The following C2CD3 variants were observed in gnomAD, a reference collection of about 807,000 sequenced individuals.
C2CD3 encodes C2 domain containing 3 centriole elongation regulator, also known as C2 domain-containing protein 3.
A neutral mutation model predicts 234.0 loss-of-function variants in C2CD3; 148 were observed. The observed-to-expected ratio is 0.63, with a 90% CI of 0.55 to 0.72. C2CD3 has a LOEUF of 0.72. Ranked by LOEUF, C2CD3 falls within the 30% of genes least tolerant of loss-of-function variation. The probability of loss-of-function intolerance (pLI) is 0.00; values close to 1 mark genes in which losing one functional copy is unlikely to be tolerated. For synonymous variants in C2CD3, 1,000 were observed against 1,035.4 expected (o/e 0.97, Z 0.66); for missense variants, 2,577 against 2,811.5 (o/e 0.92, Z 1.89).
chr11:74,050,124 A>T (rs896374161), intron 26 of C2CD3, among the ~76,000 whole-genome samples: 1 of 152,122 alleles, frequency 6.6e-6, no homozygotes, highest in Admixed American at 6.5e-5. Flanking sequence ...TAAATTTAAG[A>T]ACTTATTTTT....
In C2CD3 at chr11:74,150,527, C is replaced by CA. The variant is rs1265839513; in HGVS notation, c.484-10700dup. ...AAAAAAAAAAAAAACAAAAAAAAAA[C>CA]AAAACAAATTTCTAAGCTTTTTAAA... On this transcript the variant is annotated intron_variant, in intron 3 of 32. Transcript: ENST00000334126. Among the ~76,000 whole-genome samples the CA allele has an allele frequency of 2.1e-3, 115 of 54,882 alleles. 1 individual carries two copies. The highest frequency in any genetic ancestry group is 8.1e-3 in the African/African-American group (102 of 12,616). 36.0% of individuals were successfully genotyped at this position (54,882 alleles called of 152,430 possible).
chr11:74,133,006 G>T, intron 6 of C2CD3, 34 bp from the exon 7 acceptor site: 4 of 1,604,510 alleles, frequency 2.5e-6, no homozygotes, highest in Non-Finnish European at 3.4e-6. Flanking sequence ...TCACTGAGTG[G>T]CTAACAGATG....
chr11:74,097,349 A>G (rs532283680), intron 16 of C2CD3, among the ~76,000 whole-genome samples: 12 of 152,304 alleles, frequency 7.9e-5, no homozygotes, highest in African/African-American at 2.9e-4. Flanking sequence ...ACTAGTAAAG[A>G]CAACAAATAG....
intron 4 of C2CD3, 118 bp downstream of exon 4, chr11:74,139,487 A>T: frequency 1.2e-6 from 1 of 803,606 alleles, no homozygotes; most frequent in Non-Finnish European, 2.2e-6. Flanking sequence ...TTATCTGCTA[A>T]ATGAGGACTG....
intron 23 of C2CD3, among the ~76,000 whole-genome samples, chr11:74,075,373 G>A (rs1419979195): frequency 1.3e-5 from 2 of 151,882 alleles, no homozygotes; most frequent in African/African-American, 2.4e-5. Flanking sequence ...TTTTGGGGGG[G>A]GGTGGGGGGA....
rs1305669105 is a variant in C2CD3, at chr11:74,092,525, G to A, written c.3408C>T (p.Ile1136=). Reference sequence around the variant, plus strand: ...GATGCTGGGTGGTTACCATAGCACAGATCCTTGATAATGGCAAGGTTCCTT... The same window carrying A: ...GATGCTGGGTGGTTACCATAGCACAAATCCTTGATAATGGCAAGGTTCCTT... ...VAKGTLPLSR[I]CAMVTTQHRE... Residue 1136 remains isoleucine (I), a synonymous_variant, in exon 19 of 33, where the codon ATC becomes ATT. Coordinates refer to ENST00000334126, the MANE Select transcript of C2CD3 (RefSeq NM_001286577.2). 8 of 1,613,944 alleles carry A rather than the reference G, an allele frequency of 5.0e-6. No individual in the cohort carries two copies. Among genetic ancestry groups the A allele is most frequent in the Non-Finnish European group, 6.8e-6 (8 of 1,179,844 alleles).
intron 24 of C2CD3, among the ~76,000 whole-genome samples, chr11:74,071,501 C>A (rs543409400): frequency 1.3e-5 from 2 of 152,128 alleles, no homozygotes; most frequent in African/African-American, 4.8e-5. Flanking sequence ...TTCTGCAGAG[C>A]GCATTAACTA....
At position 74,139,988 on chromosome 11, in the gene C2CD3, TAG is replaced by T. The variant is rs368142360; in HGVS notation, c.484-162_484-161del. Among the ~76,000 whole-genome samples the T allele has an allele frequency of 2.1e-3, 253 of 122,424 alleles. 2 individuals carry two copies. Among genetic ancestry groups the T allele is most frequent in the Middle Eastern group, 8.2e-3 (2 of 244 alleles). 80.3% of individuals were successfully genotyped at this position (122,424 alleles called of 152,430 possible). A position where few individuals can be genotyped will look rare whatever the true frequency, so the allele number is the denominator to read the frequency against. ...ATTGTAAGGAATGTCCCCCATTCCCTAGAGGATTGTAAGGAATGTCCCCCATT... is the reference window on the plus strand; with the variant it reads ...ATTGTAAGGAATGTCCCCCATTCCCTAGGATTGTAAGGAATGTCCCCCATT... On this transcript the variant is annotated intron_variant, in intron 3 of 32. Coordinates refer to ENST00000334126, the MANE Select transcript of C2CD3 (RefSeq NM_001286577.2).
chr11:74,062,901 A>C (rs1418289211), intron 24 of C2CD3, among the ~76,000 whole-genome samples: 1 of 152,202 alleles, frequency 6.6e-6, no homozygotes, highest in Non-Finnish European at 1.5e-5. Flanking sequence ...ATAAAGAAGA[A>C]AAGAGAGAAG....
At chr11:74,081,624 CACCATCAT>C (rs1955371047) in intron 22 of C2CD3, among the ~76,000 whole-genome samples, 1 of 151,978 alleles carries the variant, frequency 6.6e-6, no homozygotes, top group Admixed American at 6.6e-5. Flanking sequence ...TCATCATCAT[CACCATCAT>C]CATCATCATC....
chr11:74,116,883 C>A (rs1258086351), intron 9 of C2CD3, among the ~76,000 whole-genome samples: 2 of 119,998 alleles, frequency 1.7e-5, no homozygotes, highest in Non-Finnish European at 3.5e-5. Context: ...TGTATATATA[C>A]ACACGTGTAT....
In C2CD3 at chr11:74,090,844, T is replaced by C. The variant is rs754414633; in HGVS notation, c.3610A>G (p.Ile1204Val). Residue 1204 changes from isoleucine to valine, a missense_variant, in exon 20 of 33, where the codon ATC becomes GTC. Physicochemically the swap from Ile to Val is conservative, Grantham distance 29. Transcript: ENST00000334126. ...GCTGCTTGCAGACCACAGGCTCTGA[T>C]AATCTGGACTGAGATGGAAACAGTT... ...ARTVSISVQI[I>V]RACGLQAAAK... The C allele has an allele frequency of 5.0e-6, 8 of 1,614,154 alleles. No individual in the cohort carries two copies. Among genetic ancestry groups the C allele is most frequent in the Admixed American group, 1.7e-5 (1 of 60,026 alleles).
intron 9 of C2CD3, among the ~76,000 whole-genome samples, chr11:74,116,917 T>TAC (rs1565312609): frequency 8.5e-6 from 1 of 117,144 alleles, no homozygotes; most frequent in Non-Finnish European, 1.7e-5. Flanking sequence ...TATGTATATA[T>TAC]ACATATACAC....
At chr11:74,144,322 T>G (rs1855015151) in intron 3 of C2CD3, among the ~76,000 whole-genome samples, 1 of 152,202 alleles carries the variant, frequency 6.6e-6, no homozygotes, top group East Asian at 1.9e-4. Context: ...AATGGCCTGC[T>G]GTAACCCTCA....
intron 23 of C2CD3, among the ~76,000 whole-genome samples, chr11:74,075,109 C>T (rs982014121): frequency 6.6e-6 from 1 of 151,954 alleles, no homozygotes; most frequent in African/African-American, 2.4e-5. Flanking sequence ...ATAAAACAAA[C>T]AAACAAAAGT....
In C2CD3 at chr11:74,103,575, A is replaced by T. The variant is rs1409475095; in HGVS notation, c.2136T>A (p.Thr712=). ...TDNKDFTGIN[T]KLSGNTHYTP... ...TATAATGGGTGTTGCCACTTAACTT[A>T]GTATTGATACCAGTGAAATCTTTGT... The change falls in exon 14 of 33, where the codon ACT becomes ACA. Residue 712 remains threonine (T), a synonymous_variant. Coordinates refer to ENST00000334126, the MANE Select transcript of C2CD3 (RefSeq NM_001286577.2). The T allele has an allele frequency of 6.2e-7, 1 of 1,613,322 alleles. No individual in the cohort carries two copies. Among genetic ancestry groups the T allele is most frequent in the South Asian group, 1.1e-5 (1 of 91,074 alleles).
chr11:74,034,236 G>A lies in C2CD3; in HGVS notation c.5924C>T (p.Ser1975Phe). Residue 1975 changes from serine to phenylalanine, a missense_variant, in exon 31 of 33, where the codon TCT becomes TTT. By Grantham distance (155) the Ser-to-Phe change is radical. Transcript: ENST00000334126. ...ITRDSQAALS[S>F]HRARSRSNKA... is the part of the protein sequence containing the mutation. ...GTTGCTTCTACTCCTGGCTCGGTGA[G>A]AACTCAAAGCTGCTTGCGAATCCCT... 1 of 1,536,154 alleles carries A rather than the reference G, an allele frequency of 6.5e-7. No individual in the cohort carries two copies. The highest frequency in any genetic ancestry group is 8.7e-7 in the Non-Finnish European group (1 of 1,146,900).
At chr11:74,088,414 A>G (rs889141833) in intron 20 of C2CD3, among the ~76,000 whole-genome samples, 1 of 152,194 alleles carries the variant, frequency 6.6e-6, no homozygotes, top group African/African-American at 2.4e-5. Context: ...TGTCCATTAT[A>G]CCATGCATTG....
intron 24 of C2CD3, among the ~76,000 whole-genome samples, chr11:74,072,374 C>T (rs1466533360): frequency 2.6e-5 from 4 of 152,142 alleles, no homozygotes; most frequent in African/African-American, 9.7e-5. Flanking sequence ...ACTATGAGCA[C>T]AGGTTTTGTT....
Sources: gnomAD v4.1 joint callset for allele counts (sites outside exome capture counted in the v4.1 genomes callset) on GRCh38, gnomAD v4.1.1 for gene constraint, MANE v1.5 for transcripts, NCBI Gene and HGNC (gene_info 2026-07-23, HGNC 2026-07-21) for gene names.